KRIT1: variants seen among roughly 807,000 people sequenced by gnomAD.
The protein encoded by KRIT1 is KRIT1 ankyrin repeat containing, also known as krev interaction trapped protein 1.
KRIT1 carries 45 observed loss-of-function variants against 95.8 expected under a neutral mutation model. The observed-to-expected ratio is 0.47, with a 90% CI of 0.37 to 0.60. The LOEUF (loss-of-function observed/expected upper bound fraction) is 0.60. KRIT1 is among the 20% of genes least tolerant of loss of function. KRIT1 has a pLI of 0.00. For missense variants in KRIT1, 788 were observed against 877.5 expected, an observed-to-expected ratio of 0.90 and a Z score of 1.29; for synonymous variants, 282 against 278.8, an observed-to-expected ratio of 1.01 and a Z score of -0.11.
chr7:92,225,241 G>T (rs941735350), intron 12 of KRIT1, among the ~76,000 whole-genome samples: 3 of 152,198 alleles, frequency 2.0e-5, no homozygotes, highest in African/African-American at 7.2e-5. Flanking sequence ...ACTTATTTTT[G>T]CAAGTTTTAT....
At chr7:92,200,857 A>C in intron 18 of KRIT1, 53 bp from the exon 19 acceptor site, 1 of 1,275,504 alleles carries the variant, frequency 7.8e-7, no homozygotes, top group Non-Finnish European at 1.1e-6. Context: ...GAATCTTTAA[A>C]GGACATTCAT....
intron 6 of KRIT1, among the ~76,000 whole-genome samples, chr7:92,237,193 G>T (rs1341935307): frequency 6.6e-6 from 1 of 151,924 alleles, no homozygotes; most frequent in East Asian, 1.9e-4. Context: ...ATTATGCCAG[G>T]GTGCCAAAGG....
intron 5 of KRIT1, among the ~76,000 whole-genome samples, chr7:92,239,420 T>G (rs1244267821): frequency 6.6e-6 from 1 of 152,224 alleles, no homozygotes; most frequent in Non-Finnish European, 1.5e-5. Flanking sequence ...AGGGATTTGG[T>G]GTCAGGATAG....
intron 17 of KRIT1, 59 bp downstream of exon 17, chr7:92,213,136 T>C: frequency 8.9e-7 from 1 of 1,120,618 alleles, no homozygotes. Flanking sequence ...TCATGTAGGT[T>C]GGTACTGTTG....
Position 92,213,338 on chromosome 7 carries a change from T to G in KRIT1, c.1882A>C (p.Asn628His), listed in dbSNP as rs568344545. ...MHHLQRMFLQ[N>H]CWEIPTYGAA... ...CCATAAGTAGGAATTTCCCAGCAAT[T>G]CTGTAAGAACATGCGCTGAAGGTGA... Residue 628 changes from asparagine (N) to histidine (H), a missense_variant, in exon 17 of 19, where the codon AAT (asparagine) becomes CAT (histidine). Physicochemically the swap from Asn to His is moderately conservative, Grantham distance 68. This residue lies in a region of KRIT1 where 493 missense variants were observed against 582.3 expected (regional missense o/e 0.85). Coordinates refer to ENST00000394505, the MANE Select transcript of KRIT1 (RefSeq NM_194454.3). 17 of 1,613,620 alleles carry G rather than the reference T, an allele frequency of 1.1e-5. No individual in the cohort carries two copies. Among genetic ancestry groups the G allele is most frequent in the Non-Finnish European group, 1.4e-5 (16 of 1,179,772 alleles).
chr7:92,232,016 C>A (rs1276112173), intron 10 of KRIT1, among the ~76,000 whole-genome samples: 2 of 152,164 alleles, frequency 1.3e-5, no homozygotes, highest in Non-Finnish European at 2.9e-5. Flanking sequence ...ACTGCAACCT[C>A]CACCTCCTGG....
At chr7:92,237,912 T>C (rs926791878) in intron 5 of KRIT1, among the ~76,000 whole-genome samples, 153 bp from the exon 6 acceptor site, 2 of 152,192 alleles carry the variant, frequency 1.3e-5, no homozygotes, top group African/African-American at 2.4e-5. Context: ...TAATAAAAAC[T>C]GATAAATGCA....
intron 15 of KRIT1, among the ~76,000 whole-genome samples, chr7:92,214,183 A>G (rs1251326478): frequency 1.3e-5 from 2 of 152,132 alleles, no homozygotes; most frequent in Non-Finnish European, 2.9e-5. Context: ...TCTTCTTTCA[A>G]TAACCAGAAA....
At chr7:92,225,904 TCA>T (rs1796118378) in intron 11 of KRIT1, 77 bp from the exon 12 acceptor site, 2 of 787,036 alleles carry the variant, frequency 2.5e-6, no homozygotes, top group Non-Finnish European at 4.5e-6. Context: ...ATCCAATTAA[TCA>T]CAGTTTCATA....
At chr7:92,212,783 C>T (rs1048975273) in intron 17 of KRIT1, among the ~76,000 whole-genome samples, 2 of 152,130 alleles carry the variant, frequency 1.3e-5, no homozygotes, top group Non-Finnish European at 2.9e-5. Context: ...TACTTTTATT[C>T]CTAGTTACCT....
At chr7:92,214,967 C>T (rs748656150) in intron 14 of KRIT1, among the ~76,000 whole-genome samples, 190 bp from the exon 15 acceptor site, 3 of 152,048 alleles carry the variant, frequency 2.0e-5, no homozygotes, top group Non-Finnish European at 4.4e-5. Flanking sequence ...GCTATATAAT[C>T]GCTGTTGCAA....
At chr7:92,226,716 A>G in intron 10 of KRIT1, 34 bp from the exon 11 acceptor site, 1 of 1,598,296 alleles carries the variant, frequency 6.3e-7, no homozygotes, top group Non-Finnish European at 8.6e-7. Flanking sequence ...AAAAACAACA[A>G]CAAAAAAAAC....
intron 17 of KRIT1, among the ~76,000 whole-genome samples, chr7:92,210,553 A>C (rs1019671446): frequency 6.6e-6 from 1 of 152,236 alleles, no homozygotes; most frequent in African/African-American, 2.4e-5. Context: ...AAAAAACCTA[A>C]ATGTAAGACC....
Position 92,200,357 on chromosome 7 carries a change from AT to A in KRIT1, c.*378del, listed in dbSNP as rs34910226. The A allele has an allele frequency of 0.049, 10,634 of 218,086 alleles. 180 individuals carry two copies. Among genetic ancestry groups the A allele is most frequent in the African/African-American group, 0.1 (4,359 of 41,592 alleles). The allele number at this position is 218,086 out of a possible 1,614,324, so 13.5% of individuals were successfully genotyped here. On this transcript the variant is annotated 3_prime_UTR_variant, in exon 19 of 19. Transcript: ENST00000394505. ...GAGACTATATGCCTTGTTGAAAGTA[AT>A]TTTTTTTTTTTTTTGAGATGGAGTC... is the stretch of plus-strand genomic sequence containing the variant.
rs769688528 is a variant in KRIT1, at chr7:92,213,267, G to A, written c.1953C>T (p.Ser651=). The change falls in exon 17 of 19, where the codon AGC becomes AGT. Residue 651 remains serine, a synonymous_variant. Transcript: ENST00000394505. The stretch of plus-strand genomic sequence containing the variant: ...CATACACAGGGATGACTTTATGATT[G>A]CTGGGGCTTGCCTTTGTAAATATCT... ...TGQIFTKASP[S]NHKVIPVYVG... 2.5e-6 allele frequency: 4 copies of A among 1,613,426 alleles called. No homozygotes were observed. In the East Asian group the frequency reaches 6.7e-5, roughly 27 times the overall value.
At chr7:92,235,729 G>C (rs1464766619) in intron 7 of KRIT1, 83 bp from the exon 8 acceptor site, 3 of 1,270,456 alleles carry the variant, frequency 2.4e-6, no homozygotes, top group Non-Finnish European at 3.4e-6. Context: ...TCTGATATAT[G>C]ACACTTGTGA....
intron 11 of KRIT1, among the ~76,000 whole-genome samples, chr7:92,226,179 T>C (rs1796170073): frequency 6.6e-6 from 1 of 152,144 alleles, no homozygotes; most frequent in African/African-American, 2.4e-5. Flanking sequence ...AGAAATACAA[T>C]ATAAAATGAA....
chr7:92,226,396 A>T, intron 11 of KRIT1, 130 bp downstream of exon 11: 1 of 732,928 alleles, frequency 1.4e-6, no homozygotes, highest in East Asian at 2.7e-5. Flanking sequence ...TCCGTTACTT[A>T]TTCTATAAAG....
At chr7:92,201,568 GGTA>G in intron 17 of KRIT1, 145 bp from the exon 18 acceptor site, 1 of 636,356 alleles carries the variant, frequency 1.6e-6, no homozygotes, top group East Asian at 2.8e-5. Flanking sequence ...TAAGTTCTGG[GGTA>G]CACGTGCAGA....
Sources: gnomAD v4.1 joint callset for allele counts (sites outside exome capture counted in the v4.1 genomes callset) on GRCh38, gnomAD v4.1.1 for gene constraint, gnomAD v4.1.1 regional missense constraint, MANE v1.5 for transcripts, NCBI Gene and HGNC (gene_info 2026-07-23, HGNC 2026-07-21) for gene names.